ARMC2: variants seen among roughly 807,000 people sequenced by gnomAD.
ARMC2 encodes armadillo repeat-containing protein 2.
A neutral mutation model predicts 90.3 loss-of-function variants in ARMC2; 67 were observed. The observed-to-expected ratio is 0.74, with a 90% CI of 0.61 to 0.91. ARMC2 has a LOEUF of 0.91. ARMC2 is among the 40% of genes least tolerant of loss of function. The pLI is 0.00. For synonymous variants in ARMC2, 393 were observed against 393.0 expected (o/e 1.00, Z 0.00); for missense variants, 920 against 1,030.9 (o/e 0.89, Z 1.47).
the ARMC2 span, chr6:108,990,849 A>G: frequency 6.2e-7 from 1 of 1,607,724 alleles, no homozygotes; most frequent in Non-Finnish European, 8.5e-7. Flanking sequence ...AATACAGGGA[A>G]TAGAACAAAT....
chr6:109,027,748 A>G, the ARMC2 span, among the ~76,000 whole-genome samples: 1 of 152,144 alleles, frequency 6.6e-6, no homozygotes, highest in Admixed American at 6.5e-5. Context: ...ACAACAAAGC[A>G]TTATCTGGCC....
chr6:108,879,926 A>C (rs17316116), intron 5 of ARMC2: 135,346 of 470,200 alleles, frequency 0.29, 22,468 homozygotes, highest in Non-Finnish European at 0.35. Flanking sequence ...ATCTCCTTCT[A>C]GCCCTCACTG....
At chr6:109,019,173 G>C in the ARMC2 span, among the ~76,000 whole-genome samples, 10 of 152,006 alleles carry the variant, frequency 6.6e-5, no homozygotes, top group Non-Finnish European at 1.5e-4. Flanking sequence ...AGCTGACAAA[G>C]AAATTAAAAC....
chr6:108,898,380 T>G (rs1771808813), intron 6 of ARMC2, among the ~76,000 whole-genome samples: 1 of 152,208 alleles, frequency 6.6e-6, no homozygotes, highest in South Asian at 2.1e-4. Flanking sequence ...GTGTGGACAC[T>G]TAATTGGTAC....
intron 6 of ARMC2, among the ~76,000 whole-genome samples, chr6:108,897,610 G>C (rs1771727320): frequency 6.6e-6 from 1 of 152,148 alleles, no homozygotes; most frequent in African/African-American, 2.4e-5. Context: ...TGCTGCAACT[G>C]GGAGTGGCCA....
chr6:108,921,025 C>T (rs1774509992), intron 10 of ARMC2, among the ~76,000 whole-genome samples: 1 of 152,178 alleles, frequency 6.6e-6, no homozygotes, highest in Admixed American at 6.5e-5. Flanking sequence ...TGCTCAGCCT[C>T]CTCTCTTCAC....
At chr6:109,000,654 C>T in the ARMC2 span, 1 of 1,599,074 alleles carries the variant, frequency 6.3e-7, no homozygotes, top group African/African-American at 1.3e-5. Context: ...TAAGTAGGAG[C>T]ACTGATGTCT....
At chr6:108,899,652 C>CT (rs1268258301) in intron 6 of ARMC2, 42 bp from the exon 7 acceptor site, 23 of 1,518,212 alleles carry the variant, frequency 1.5e-5, no homozygotes, top group Non-Finnish European at 2.1e-5. Flanking sequence ...ATGACAACTC[C>CT]TTTTTCATAG....
At chr6:108,921,784 G>A (rs200250446) in intron 10 of ARMC2, among the ~76,000 whole-genome samples, 25 of 152,214 alleles carry the variant, frequency 1.6e-4, no homozygotes, top group Admixed American at 2.0e-4. Context: ...TGGCGGCTGC[G>A]TTTATTCTTT....
intron 16 of ARMC2, 98 bp from the exon 17 acceptor site, chr6:108,964,882 C>CT (rs1778255009): frequency 1.1e-6 from 1 of 921,332 alleles, no homozygotes; most frequent in African/African-American, 1.7e-5. Context: ...CTGGATTATA[C>CT]TTACATATCA....
the ARMC2 span, among the ~76,000 whole-genome samples, chr6:109,008,165 T>C: frequency 2.6e-5 from 4 of 152,200 alleles, no homozygotes; most frequent in African/African-American, 7.2e-5. Context: ...AAGCTATCTT[T>C]AGAAATTCTA....
intron 2 of ARMC2, among the ~76,000 whole-genome samples, chr6:108,855,589 A>T (rs1774493864): frequency 6.6e-6 from 1 of 152,192 alleles, no homozygotes; most frequent in Non-Finnish European, 1.5e-5. Context: ...AAGGAGCATG[A>T]TTGCTGGATC....
chr6:108,859,795 C>T (rs115303303), intron 3 of ARMC2, among the ~76,000 whole-genome samples: 9 of 151,974 alleles, frequency 5.9e-5, no homozygotes, highest in Admixed American at 1.3e-4. Flanking sequence ...ACCTGGGGTC[C>T]GGAGTTCGAG....
intron 17 of ARMC2, 23 bp downstream of exon 17, chr6:108,965,163 G>C: frequency 6.3e-7 from 1 of 1,576,196 alleles, no homozygotes; most frequent in Non-Finnish European, 8.7e-7. Flanking sequence ...ACTATGATGA[G>C]TCTGTGAGTT....
At chr6:109,046,124 C>T in the ARMC2 span, among the ~76,000 whole-genome samples, 5 of 146,370 alleles carry the variant, frequency 3.4e-5, no homozygotes, top group East Asian at 2.0e-4. Context: ...CCTCTCCCCA[C>T]GGTCTCCCTC....
chr6:108,975,871 G>T (rs1040186080), downstream of ARMC2, among the ~76,000 whole-genome samples: 1 of 152,012 alleles, frequency 6.6e-6, no homozygotes, highest in African/African-American at 2.4e-5. Context: ...TTATAAATTT[G>T]TTTAAGTTCT....
intron 12 of ARMC2, among the ~76,000 whole-genome samples, chr6:108,937,880 T>G (rs1370951752): frequency 6.6e-6 from 1 of 151,700 alleles, no homozygotes; most frequent in East Asian, 2.0e-4. Context: ...GTACTTTTAG[T>G]AGAGACGAGG....
chr6:108,914,808 G>C (rs893088118), intron 10 of ARMC2, among the ~76,000 whole-genome samples: 1 of 152,206 alleles, frequency 6.6e-6, no homozygotes, highest in Non-Finnish European at 1.5e-5. Flanking sequence ...GCAGATGAAA[G>C]CCTCTGCTTT....
intron 10 of ARMC2, among the ~76,000 whole-genome samples, chr6:108,917,372 A>G (rs1774075287): frequency 6.6e-6 from 1 of 151,994 alleles, no homozygotes; most frequent in Non-Finnish European, 1.5e-5. Context: ...TCTAAATGGA[A>G]GTCTCTCGGG....
Sources: gnomAD v4.1 joint callset for allele counts (sites outside exome capture counted in the v4.1 genomes callset) on GRCh38, gnomAD v4.1.1 for gene constraint, MANE v1.5 for transcripts, NCBI Gene and HGNC (gene_info 2026-07-23, HGNC 2026-07-21) for gene names.